Variants in A2M observed in about 807,000 individuals in gnomAD.
A2M encodes the protein alpha-2-macroglobulin, also known as C3 and PZP-like alpha-2-macroglobulin domain-containing protein 5.
In A2M, 128 loss-of-function variants were observed where a neutral mutation model predicts 183.9. The observed-to-expected ratio is 0.70, with a 90% confidence interval of 0.60 to 0.81. The LOEUF (loss-of-function observed/expected upper bound fraction) is 0.81. A2M is among the 30% of genes least tolerant of loss of function. A2M has a pLI of 0.00. For synonymous variants in A2M, 592 were observed against 670.8 expected (o/e 0.88, Z 1.81); for missense variants, 1,495 against 1,787.6 (o/e 0.84, Z 2.95).
Position 9,074,784 on chromosome 12 carries a change from C to A in A2M, c.3533-1G>T. 1 of 1,607,456 alleles carries A rather than the reference C, an allele frequency of 6.2e-7. No homozygotes were observed. Among genetic ancestry groups the A allele is most frequent in the East Asian group, 2.2e-5 (1 of 44,662 alleles). On this transcript the variant is annotated splice_acceptor_variant, in intron 28 of 35. Coordinates refer to ENST00000318602, the MANE Select transcript of A2M (RefSeq NM_000014.6). LOFTEE classifies it high-confidence loss of function. ...GGGCGCTCCCAATGGACAGAGTTGT[C>A]TTAAAGATGAGAAAAAGATATTTAT... is the stretch of plus-strand genomic sequence containing the variant.
At chr12:9,068,106 C>A (rs1157297657) in intron 35 of A2M, 77 bp downstream of exon 35, 2 of 1,479,638 alleles carry the variant, frequency 1.4e-6, no homozygotes, top group East Asian at 4.5e-5. Flanking sequence ...ATTTACCCAG[C>A]GTTTTATGAA....
At chr12:9,069,041 G>A (rs953060104) in intron 33 of A2M, 199 bp from the exon 34 acceptor site, 62 of 474,244 alleles carry the variant, frequency 1.3e-4, no homozygotes, top group African/African-American at 1.0e-3. Flanking sequence ...CTAACATAAC[G>A]CATATACCTC....
At chr12:9,077,998 TA>T (rs1280213526) in intron 25 of A2M, 141 bp from the exon 26 acceptor site, 3 of 951,672 alleles carry the variant, frequency 3.2e-6, no homozygotes, top group Non-Finnish European at 4.7e-6. Flanking sequence ...GATTAATCTT[TA>T]GTCTGCCTGA....
At chr12:9,101,051 T>TG (rs1253662862) in intron 13 of A2M, 93 bp downstream of exon 13, 1 of 1,207,360 alleles carries the variant, frequency 8.3e-7, no homozygotes, top group African/African-American at 1.5e-5. Flanking sequence ...CAAAAACCTA[T>TG]GGAAAAAAAG....
chr12:9,076,843 G>A lies in A2M; in HGVS notation c.3445C>T (p.Leu1149=), dbSNP rs1948762130. Residue 1149 remains leucine, a synonymous_variant, in exon 28 of 36, where the codon CTG becomes TTG. Coordinates refer to ENST00000318602, the MANE Select transcript of A2M (RefSeq NM_000014.6). The stretch of plus-strand genomic sequence containing the variant: ...GCCAGGGCAAAAGCATAGGCCAGCA[G>A]TGCTTTGGTATATACATGGCTGCCA... ...DHGSHVYTKA[L]LAYAFALAGN... 6.2e-7 allele frequency: 1 copy of A among 1,613,948 alleles called. No individual in the cohort carries two copies. The highest frequency in any genetic ancestry group is 8.5e-7 in the Non-Finnish European group (1 of 1,179,998).
At chr12:9,089,119 T>A in intron 22 of A2M, 81 bp downstream of exon 22, 1 of 1,106,320 alleles carries the variant, frequency 9.0e-7, no homozygotes, top group East Asian at 2.6e-5. Flanking sequence ...ACAGAGAAAG[T>A]GTAGGAATAA....
At chr12:9,093,660 A>C (rs962842103) in intron 17 of A2M, 81 bp from the exon 18 acceptor site, 8 of 788,884 alleles carry the variant, frequency 1.0e-5, no homozygotes, top group Non-Finnish European at 1.5e-5. Context: ...CCACCAAAAA[A>C]AAAAAACAAA....
intron 15 of A2M, among the ~76,000 whole-genome samples, chr12:9,096,550 A>G (rs1949386422): frequency 6.6e-6 from 1 of 152,250 alleles, no homozygotes; most frequent in South Asian, 2.1e-4. Context: ...CCAGATCTTC[A>G]TATAATACAT....
At position 9,113,548 on chromosome 12, in the gene A2M, G is replaced by T; in HGVS notation, c.87-5C>A. Reference sequence around the variant, plus strand: ...GGGACCAGAACCATATACTGCCTGGGAATGAGACGGTTCAGTTAGAGGAAA... The same window carrying T: ...GGGACCAGAACCATATACTGCCTGGTAATGAGACGGTTCAGTTAGAGGAAA... On this transcript the variant is annotated splice_polypyrimidine_tract_variant and splice_region_variant and intron_variant, in intron 1 of 35. Coordinates refer to ENST00000318602, the MANE Select transcript of A2M (RefSeq NM_000014.6). 1 of 1,612,118 alleles carries T rather than the reference G, an allele frequency of 6.2e-7. No individual in the cohort carries two copies. Among genetic ancestry groups the T allele is most frequent in the Non-Finnish European group, 8.5e-7 (1 of 1,179,132 alleles).
intron 11 of A2M, among the ~76,000 whole-genome samples, chr12:9,103,361 A>G (rs1025431522): frequency 2.6e-5 from 4 of 152,164 alleles, no homozygotes; most frequent in Non-Finnish European, 5.9e-5. Context: ...CAGTATTTTT[A>G]ACCACTTTAT....
chr12:9,077,280 A>G, intron 27 of A2M, 66 bp downstream of exon 27: 1 of 1,403,212 alleles, frequency 7.1e-7, no homozygotes, highest in Non-Finnish European at 1.0e-6. Context: ...AGTATTTCAG[A>G]CAGCAGGTCA....
Position 9,104,266 on chromosome 12 carries a change from A to G in A2M, c.1239T>C (p.Asn413=), listed in dbSNP as rs1049134. The change falls in exon 11 of 36, where the codon AAT becomes AAC. Residue 413 remains asparagine (N), a synonymous_variant. Coordinates refer to ENST00000318602, the MANE Select transcript of A2M (RefSeq NM_000014.6). ...TAACAGTAAGAGAGGTACCCATAAC[A>G]TTGGTGGTGTTGATAGAGAACTGTA... ...GLVQFSINTT[N]VMGTSLTVRV... 1.2e-6 allele frequency: 2 copies of G among 1,612,882 alleles called. No homozygotes were observed. The highest frequency in any genetic ancestry group is 1.3e-5 in the African/African-American group (1 of 74,978).
At chr12:9,074,062 T>C (rs1326504078) in intron 29 of A2M, among the ~76,000 whole-genome samples, 1 of 138,138 alleles carries the variant, frequency 7.2e-6, no homozygotes, top group African/African-American at 2.8e-5. Context: ...CATTCCAGCC[T>C]AGGTGACAGA....
intron 13 of A2M, 86 bp from the exon 14 acceptor site, chr12:9,099,609 A>T: frequency 7.0e-7 from 1 of 1,434,634 alleles, no homozygotes; most frequent in East Asian, 2.5e-5. Flanking sequence ...TAAACAGTAG[A>T]TGTAACAAAT....
intron 18 of A2M, among the ~76,000 whole-genome samples, chr12:9,091,887 A>G (rs765729866): frequency 6.6e-6 from 1 of 152,214 alleles, no homozygotes; most frequent in Non-Finnish European, 1.5e-5. Context: ...AAATCTTAGA[A>G]TTAAATTTGC....
At position 9,104,278 on chromosome 12, in the gene A2M, G is replaced by A; in HGVS notation, c.1227C>T (p.Ile409=). ...TDEHGLVQFS[I]NTTNVMGTSL... ...AGGTACCCATAACATTGGTGGTGTT[G>A]ATAGAGAACTGTACAAGGCCATGCT... is the stretch of plus-strand genomic sequence containing the variant. The change falls in exon 11 of 36, where the codon ATC becomes ATT. Residue 409 remains isoleucine (I), a synonymous_variant. Transcript: ENST00000318602. The A allele has an allele frequency of 6.2e-7, 1 of 1,613,116 alleles. No individual in the cohort carries two copies. The highest frequency in any genetic ancestry group is 1.1e-5 in the South Asian group (1 of 90,810).
chr12:9,077,677 A>C, intron 26 of A2M, 24 bp downstream of exon 26: 1 of 1,611,118 alleles, frequency 6.2e-7, no homozygotes, highest in Non-Finnish European at 8.5e-7. Context: ...TGGACAAATC[A>C]AAACTAGCTC....
In A2M at chr12:9,099,414, T is replaced by G; in HGVS notation, c.1668A>C (p.Ala556=). The G allele has an allele frequency of 1.3e-6, 2 of 1,571,550 alleles. No individual in the cohort carries two copies. Among genetic ancestry groups the G allele is most frequent in the Non-Finnish European group, 8.6e-7 (1 of 1,157,926 alleles). Residue 556 remains alanine (A), a synonymous_variant, in exon 14 of 36, where the codon GCA becomes GCC. Transcript: ENST00000318602. ...LPTGDVIGDS[A]KYDVENCLAN... is the part of the protein sequence containing the mutation. ...CCAGACAATTTTCAACATCATATTT[T>G]GCAGAATCCCCAATCACGTCCCCGG...
chr12:9,105,644 G>A (rs1193816890), intron 10 of A2M, among the ~76,000 whole-genome samples: 1 of 152,050 alleles, frequency 6.6e-6, no homozygotes, highest in Admixed American at 6.5e-5. Flanking sequence ...GATTTTTTTG[G>A]TAGATAACAT....
Sources: gnomAD v4.1 joint callset for allele counts (sites outside exome capture counted in the v4.1 genomes callset) on GRCh38, gnomAD v4.1.1 for gene constraint, MANE v1.5 for transcripts, NCBI Gene and HGNC (gene_info 2026-07-23, HGNC 2026-07-21) for gene names.